Variants in CCNI observed in about 807,000 individuals in gnomAD.
CCNI encodes cyclin I.
In CCNI, 14 loss-of-function variants were observed where a neutral mutation model predicts 34.1. That is an observed-to-expected ratio of 0.41 (90% CI 0.27 to 0.64). The LOEUF (loss-of-function observed/expected upper bound fraction) is 0.64. Among genes scored for constraint, CCNI ranks in the 30% least tolerant of loss-of-function variants. The probability of loss-of-function intolerance (pLI) is 0.31; values close to 1 mark genes in which losing one functional copy is unlikely to be tolerated. For missense variants in CCNI, 385 were observed against 440.5 expected (o/e 0.87, Z 1.13); for synonymous variants, 154 against 158.4 (o/e 0.97, Z 0.21).
At chr4:77,049,001 CCT>C (rs1463691166) in intron 6 of CCNI, among the ~76,000 whole-genome samples, 32 of 137,796 alleles carry the variant, frequency 2.3e-4, no homozygotes, top group Admixed American at 1.0e-3. Flanking sequence ...GTCTATTCCC[CCT>C]GTCTGGAAGG....
intron 6 of CCNI, among the ~76,000 whole-genome samples, chr4:77,050,243 C>T (rs1422602268): frequency 6.6e-6 from 1 of 152,120 alleles, no homozygotes; most frequent in Admixed American, 6.6e-5. Context: ...CTATCTTGAC[C>T]ATTTAACTAT....
chr4:77,067,686 G>C lies in CCNI; in HGVS notation c.-43-1281C>G, dbSNP rs115377032. Reference sequence around the variant, plus strand: ...TGTGGGGTTTTTTTTTTTTTTTGTAGAGATGCAGTTTTGCTATGTTGCCCA... The same window carrying C: ...TGTGGGGTTTTTTTTTTTTTTTGTACAGATGCAGTTTTGCTATGTTGCCCA... On this transcript the variant is annotated intron_variant, in intron 1 of 6. Transcript: ENST00000237654. 3.9e-3 allele frequency among the ~76,000 whole-genome samples: 534 copies of C among 136,814 alleles called. 3 individuals carry two copies. The highest frequency in any genetic ancestry group is 0.014 in the African/African-American group (495 of 35,658). 89.8% of individuals were successfully genotyped at this position (136,814 alleles called of 152,430 possible).
chr4:77,073,158 CAA>C (rs1328935420), intron 1 of CCNI, among the ~76,000 whole-genome samples: 7 of 152,154 alleles, frequency 4.6e-5, no homozygotes, highest in African/African-American at 1.4e-4. Context: ...CAAGAAATAA[CAA>C]AAGACTATTT....
intron 2 of CCNI, among the ~76,000 whole-genome samples, chr4:77,061,552 TTAAAATA>T (rs1487428125): frequency 1.3e-5 from 2 of 152,326 alleles, no homozygotes; most frequent in Non-Finnish European, 2.9e-5. Context: ...AGTCTTCTCC[TTAAAATA>T]TACAACCTCC....
intron 6 of CCNI, among the ~76,000 whole-genome samples, chr4:77,052,378 C>T (rs1727918086): frequency 6.6e-6 from 1 of 152,102 alleles, no homozygotes; most frequent in Non-Finnish European, 1.5e-5. Context: ...CTACAAAGAC[C>T]ACCACACTAA....
At position 77,075,362 on chromosome 4, in the gene CCNI, C is replaced by G. The variant is rs1729832825; in HGVS notation, c.-44+110G>C. ...GGGTGGGTCTCCGGCGAGCAGCGCGCGGCCAAGGGCGCTGCCACGGGGGCG... is the reference window on the plus strand; with the variant it reads ...GGGTGGGTCTCCGGCGAGCAGCGCGGGGCCAAGGGCGCTGCCACGGGGGCG... On this transcript the variant is annotated intron_variant, in intron 1 of 6. Transcript: ENST00000237654. 1.2e-5 allele frequency: 3 copies of G among 255,268 alleles called. No individual in the cohort carries two copies. The South Asian group carries it at 4.3e-4, about 37-fold the overall frequency. The allele number at this position is 255,268 out of a possible 1,614,324, so 15.8% of individuals were successfully genotyped here.
At chr4:77,059,236 T>C (rs1257647309) in intron 2 of CCNI, among the ~76,000 whole-genome samples, 3 of 152,012 alleles carry the variant, frequency 2.0e-5, no homozygotes, top group Non-Finnish European at 4.4e-5. Flanking sequence ...ACATTATTGT[T>C]TTATTGTTGT....
rs542810202 is a variant in CCNI, at chr4:77,063,218, G to C, written c.114+3031C>G. 2.4e-4 allele frequency among the ~76,000 whole-genome samples: 36 copies of C among 152,158 alleles called. 1 individual carries two copies. Among genetic ancestry groups the C allele is most frequent in the African/African-American group, 8.7e-4 (36 of 41,504 alleles). ...TGACTTCAAAATATAGTTGGGGCAG[G>C]GGGGAAGTTAGAAGGAAACTGGAGG... On this transcript the variant is annotated intron_variant, in intron 2 of 6. Coordinates refer to ENST00000237654, the MANE Select transcript of CCNI (RefSeq NM_006835.3).
At chr4:77,052,635 C>G (rs1485665462) in intron 6 of CCNI, among the ~76,000 whole-genome samples, 1 of 152,134 alleles carries the variant, frequency 6.6e-6, no homozygotes, top group Non-Finnish European at 1.5e-5. Context: ...GGACTCTCCT[C>G]AAACCAAGAC....
At chr4:77,057,097 T>C (rs1394499729) in intron 3 of CCNI, among the ~76,000 whole-genome samples, 2 of 152,196 alleles carry the variant, frequency 1.3e-5, no homozygotes, top group African/African-American at 2.4e-5. Context: ...TTAAAGCTAA[T>C]TGCTTGCAAT....
chr4:77,055,258 A>G lies in CCNI; in HGVS notation c.582T>C (p.Leu194=), dbSNP rs372023311. The G allele has an allele frequency of 6.2e-7, 1 of 1,614,102 alleles. No individual in the cohort carries two copies. Among genetic ancestry groups the G allele is most frequent in the Non-Finnish European group, 8.5e-7 (1 of 1,179,946 alleles). Residue 194 remains leucine, a synonymous_variant, in exon 6 of 7, where the codon CTT becomes CTC. Transcript: ENST00000237654. The stretch of plus-strand genomic sequence containing the variant: ...CAAGCATGGATCCTCTGAATTGCAG[A>G]AGTTGGTTGCAGGCCATACAGTGAA... ...QLLHCMACNQ[L]LQFRGSMLAL...
chr4:77,047,364 G>GACTT lies in CCNI; in HGVS notation c.*851_*854dup, dbSNP rs1386170025. ...CTAAATTCAGTTATAACATGTTACAGACTTAAATCATAGAGCTGCCCCAAC... is the reference window on the plus strand; with the variant it reads ...CTAAATTCAGTTATAACATGTTACAGACTTACTTAAATCATAGAGCTGCCCCAAC... On this transcript the variant is annotated 3_prime_UTR_variant, in exon 7 of 7. Transcript: ENST00000237654. The GACTT allele has an allele frequency of 6.6e-6, 1 of 152,130 alleles. No individual in the cohort carries two copies. Among genetic ancestry groups the GACTT allele is most frequent in the African/African-American group, 2.4e-5 (1 of 41,440 alleles). 9.4% of individuals were successfully genotyped at this position (152,130 alleles called of 1,614,324 possible).
intron 2 of CCNI, among the ~76,000 whole-genome samples, chr4:77,063,002 C>A (rs4252845): frequency 0.24 from 36,636 of 151,982 alleles, 7,359 homozygotes; most frequent in African/African-American, 0.55. Flanking sequence ...AAAATGACAC[C>A]ACCATACCCC....
intron 2 of CCNI, among the ~76,000 whole-genome samples, chr4:77,064,094 T>C (rs1235171292): frequency 6.6e-6 from 1 of 151,890 alleles, no homozygotes; most frequent in Non-Finnish European, 1.5e-5. Context: ...ATACAAAAAT[T>C]AGCCAGGTAT....
intron 2 of CCNI, among the ~76,000 whole-genome samples, chr4:77,063,583 G>C (rs933644304): frequency 6.6e-6 from 1 of 151,724 alleles, no homozygotes; most frequent in Non-Finnish European, 1.5e-5. Context: ...CCAGCTAATG[G>C]GGAGGCTGAG....
chr4:77,072,003 C>T (rs1483392745), intron 1 of CCNI, among the ~76,000 whole-genome samples: 11 of 152,100 alleles, frequency 7.2e-5, no homozygotes, highest in Admixed American at 7.2e-4. Context: ...AAATTCTTCC[C>T]AACTTATTCG....
At position 77,047,319 on chromosome 4, in the gene CCNI, A is replaced by C. The variant is rs927906208; in HGVS notation, c.*900T>G. 5.3e-5 allele frequency: 8 copies of C among 152,216 alleles called. No individual in the cohort carries two copies. The highest frequency in any genetic ancestry group is 1.9e-4 in the African/African-American group (8 of 41,446). 9.4% of individuals were successfully genotyped at this position (152,216 alleles called of 1,614,324 possible). A position where few individuals can be genotyped will look rare whatever the true frequency, so the allele number is the denominator to read the frequency against. On this transcript the variant is annotated 3_prime_UTR_variant, in exon 7 of 7. Coordinates refer to ENST00000237654, the MANE Select transcript of CCNI (RefSeq NM_006835.3). ...GTAAGTTCTATTAGAAAATCCTAATAGCTTAACAAAACTAGGGTACTAAAT... is the reference window on the plus strand; with the variant it reads ...GTAAGTTCTATTAGAAAATCCTAATCGCTTAACAAAACTAGGGTACTAAAT...
intron 2 of CCNI, among the ~76,000 whole-genome samples, chr4:77,059,527 T>C (rs965025672): frequency 3.9e-5 from 6 of 151,940 alleles, no homozygotes; most frequent in African/African-American, 1.2e-4. Context: ...TTACTTCAGG[T>C]TGATTTCCTG....
intron 6 of CCNI, 23 bp downstream of exon 6, chr4:77,055,125 ACT>A: frequency 6.9e-7 from 1 of 1,451,242 alleles, no homozygotes; most frequent in East Asian, 2.3e-5. Context: ...TAAAAAGAAC[ACT>A]ATTTAATTAG....
Sources: gnomAD v4.1 joint callset for allele counts (sites outside exome capture counted in the v4.1 genomes callset) on GRCh38, gnomAD v4.1.1 for gene constraint, MANE v1.5 for transcripts, NCBI Gene and HGNC (gene_info 2026-07-23, HGNC 2026-07-21) for gene names.